The following TMEM117 variants were observed in gnomAD, a reference collection of about 807,000 sequenced individuals.
TMEM117 encodes the protein transmembrane protein 117.
In TMEM117, 27 loss-of-function variants were observed where a neutral mutation model predicts 52.4. The observed-to-expected ratio is 0.51, with a 90% CI of 0.38 to 0.71. The LOEUF (loss-of-function observed/expected upper bound fraction) is 0.71. TMEM117 is among the 30% of genes least tolerant of loss of function. The probability of loss-of-function intolerance (pLI) is 0.00; values close to 1 mark genes in which losing one functional copy is unlikely to be tolerated. For missense variants in TMEM117, 556 were observed against 630.5 expected (o/e 0.88, Z 1.26); for synonymous variants, 215 against 206.3 (o/e 1.04, Z -0.36).
intron 6 of TMEM117, among the ~76,000 whole-genome samples, chr12:44,361,576 A>C (rs926130230): frequency 5.3e-5 from 8 of 152,178 alleles, no homozygotes; most frequent in Non-Finnish European, 1.2e-4. Context: ...ATATTGGTGA[A>C]TAATCAAACA....
intron 5 of TMEM117, among the ~76,000 whole-genome samples, chr12:44,232,702 G>A (rs1020633308): frequency 5.3e-5 from 8 of 151,280 alleles, no homozygotes; most frequent in African/African-American, 2.4e-5. Context: ...CACATTTTAA[G>A]AATTATGAAC....
At chr12:43,903,002 A>G (rs1944329730) in intron 2 of TMEM117, among the ~76,000 whole-genome samples, 1 of 152,144 alleles carries the variant, frequency 6.6e-6, no homozygotes, top group Non-Finnish European at 1.5e-5. Context: ...AAAACTCATG[A>G]GGTATTGATG....
rs1009447529 is a variant in TMEM117 at position 43,867,430 on chromosome 12, G to C, written c.277+22502G>C. The stretch of plus-strand genomic sequence containing the variant: ...GCAGGAAAAGAGGAGCAGAGGAAGA[G>C]TATACAGATGGGACAAGGATAAACA... On this transcript the variant is annotated intron_variant, in intron 2 of 7. Transcript: ENST00000266534. Among the ~76,000 whole-genome samples the C allele has an allele frequency of 4.6e-5, 7 of 152,284 alleles. No homozygotes were observed. The East Asian group carries it at 1.2e-3, about 25-fold the overall frequency.
chr12:43,915,469 C>T (rs1472005227), intron 2 of TMEM117, among the ~76,000 whole-genome samples: 1 of 152,134 alleles, frequency 6.6e-6, no homozygotes, highest in Non-Finnish European at 1.5e-5. Flanking sequence ...CAGTCCACAC[C>T]CATAACTTTC....
At chr12:43,935,691 G>T (rs968230821) in intron 2 of TMEM117, among the ~76,000 whole-genome samples, 7 of 152,160 alleles carry the variant, frequency 4.6e-5, no homozygotes, top group Non-Finnish European at 7.3e-5. Flanking sequence ...TTTAAACTAT[G>T]CTTGGCAATG....
intron 3 of TMEM117, among the ~76,000 whole-genome samples, chr12:44,080,386 T>A (rs990929134): frequency 6.6e-6 from 1 of 152,106 alleles, no homozygotes; most frequent in East Asian, 1.9e-4. Flanking sequence ...GAACTCACTA[T>A]CATGAGAACA....
At chr12:44,267,115 T>C (rs1217371332) in intron 5 of TMEM117, among the ~76,000 whole-genome samples, 1 of 152,152 alleles carries the variant, frequency 6.6e-6, no homozygotes, top group African/African-American at 2.4e-5. Flanking sequence ...AGTATGTCCA[T>C]CTTAACGGTG....
chr12:44,082,946 T>G (rs1947506274), intron 3 of TMEM117, among the ~76,000 whole-genome samples: 1 of 152,158 alleles, frequency 6.6e-6, no homozygotes. Flanking sequence ...TTGCCTGATG[T>G]TGCTTATCTT....
chr12:44,131,149 A>C (rs912684513), intron 3 of TMEM117, among the ~76,000 whole-genome samples: 1 of 152,068 alleles, frequency 6.6e-6, no homozygotes, highest in Non-Finnish European at 1.5e-5. Flanking sequence ...TATTTATTCA[A>C]AATTAAAAGT....
chr12:44,115,850 C>G (rs1948132400), intron 3 of TMEM117, among the ~76,000 whole-genome samples: 1 of 152,190 alleles, frequency 6.6e-6, no homozygotes. Flanking sequence ...AAAGCTAGCC[C>G]TCATACATGA....
intron 4 of TMEM117, among the ~76,000 whole-genome samples, chr12:44,166,874 A>AT (rs1160351973): frequency 6.6e-6 from 1 of 152,252 alleles, no homozygotes. Context: ...ATATGAAAAT[A>AT]TACCAGTCTC....
intron 3 of TMEM117, among the ~76,000 whole-genome samples, chr12:44,121,790 G>T (rs1163586068): frequency 1.3e-5 from 2 of 152,028 alleles, no homozygotes; most frequent in Non-Finnish European, 2.9e-5. Context: ...TGGTGTACAG[G>T]TTATTTTATC....
chr12:44,037,369 C>G (rs1028649486), intron 3 of TMEM117, among the ~76,000 whole-genome samples: 1 of 152,194 alleles, frequency 6.6e-6, no homozygotes, highest in African/African-American at 2.4e-5. Context: ...GATGCTCACT[C>G]CCATTTCAAG....
intron 3 of TMEM117, among the ~76,000 whole-genome samples, chr12:44,069,340 T>C (rs552371385): frequency 1.3e-4 from 20 of 152,094 alleles, no homozygotes; most frequent in Non-Finnish European, 2.2e-4. Context: ...GGTAGTCTGA[T>C]AGAGGGTGAA....
intron 6 of TMEM117, among the ~76,000 whole-genome samples, chr12:44,327,441 T>C (rs1464090236): frequency 1.3e-5 from 2 of 152,176 alleles, no homozygotes; most frequent in Non-Finnish European, 2.9e-5. Flanking sequence ...TGTTTATGAT[T>C]CCATTGAAAA....
intron 2 of TMEM117, among the ~76,000 whole-genome samples, chr12:43,869,829 A>G (rs1943672455): frequency 1.3e-5 from 2 of 152,134 alleles, no homozygotes; most frequent in South Asian, 2.1e-4. Flanking sequence ...AATGTGTGCC[A>G]TGGTGGTTTG....
chr12:44,236,765 T>G (rs1457365051), intron 5 of TMEM117, among the ~76,000 whole-genome samples: 1 of 152,088 alleles, frequency 6.6e-6, no homozygotes, highest in Non-Finnish European at 1.5e-5. Context: ...TTTGTTTCTT[T>G]TGCTAGATGC....
chr12:44,286,648 G>A (rs907252600), intron 5 of TMEM117, among the ~76,000 whole-genome samples: 3 of 152,104 alleles, frequency 2.0e-5, no homozygotes, highest in Non-Finnish European at 2.9e-5. Context: ...TAAAAGTTCC[G>A]TATTTTATAA....
At chr12:44,366,440 T>G (rs1951790532) in intron 6 of TMEM117, among the ~76,000 whole-genome samples, 1 of 152,120 alleles carries the variant, frequency 6.6e-6, no homozygotes, top group South Asian at 2.1e-4. Context: ...CAGAAAATTT[T>G]TCAATTCACT....
Sources: allele counts gnomAD v4.1 joint callset (sites outside exome capture counted in the v4.1 genomes callset), GRCh38; gene constraint gnomAD v4.1.1; transcripts MANE v1.5; gene names NCBI Gene and HGNC (gene_info 2026-07-23, HGNC 2026-07-21).